Variants in RASSF3 observed in about 807,000 individuals in gnomAD.
RASSF3 encodes the protein ras association domain-containing protein 3.
RASSF3 carries 19 observed loss-of-function variants against 19.9 expected under a neutral mutation model. The observed-to-expected ratio is 0.96, with a 90% CI of 0.67 to 1.40. RASSF3 has a LOEUF of 1.40. Among genes scored for constraint, RASSF3 ranks in the 40% most tolerant of loss-of-function variants. RASSF3 has a pLI of 0.00. For synonymous variants in RASSF3, 110 were observed against 104.2 expected, an observed-to-expected ratio of 1.06 and a Z score of -0.34; for missense variants, 306 against 289.8, an observed-to-expected ratio of 1.06 and a Z score of -0.41.
chr12:64,562,842 G>C, intron 2 of RASSF3, among the ~76,000 whole-genome samples: 1 of 152,032 alleles, frequency 6.6e-6, no homozygotes, highest in Admixed American at 6.6e-5. Flanking sequence ...TCCCCATGCT[G>C]GTCTTGAACT....
intron 1 of RASSF3, among the ~76,000 whole-genome samples, chr12:64,640,248 C>G (rs1041256762): frequency 6.6e-6 from 1 of 152,142 alleles, no homozygotes; most frequent in African/African-American, 2.4e-5. Flanking sequence ...AGTGATACCA[C>G]CACACTCAAG....
intron 2 of RASSF3, among the ~76,000 whole-genome samples, chr12:64,576,499 G>A (rs572861834): frequency 6.6e-6 from 1 of 152,162 alleles, no homozygotes; most frequent in African/African-American, 2.4e-5. Flanking sequence ...TATTAAACAG[G>A]ACACAAAAAC....
intron 1 of RASSF3, among the ~76,000 whole-genome samples, chr12:64,676,467 C>CTTT (rs34917109): frequency 2.2e-3 from 153 of 69,754 alleles, no homozygotes; most frequent in Non-Finnish European, 2.8e-3. Context: ...CTGTGCCCAG[C>CTTT]TTTTTTTTTT....
At chr12:64,664,253 A>G (rs946333635) in intron 1 of RASSF3, among the ~76,000 whole-genome samples, 2 of 152,318 alleles carry the variant, frequency 1.3e-5, no homozygotes, top group Admixed American at 1.3e-4. Flanking sequence ...CCATCTCAGT[A>G]CCAAAATTTC....
At chr12:64,566,602 C>T (rs540779183) in intron 2 of RASSF3, among the ~76,000 whole-genome samples, 12 of 152,122 alleles carry the variant, frequency 7.9e-5, no homozygotes, top group South Asian at 2.1e-4. Flanking sequence ...AGGATAGAGA[C>T]GGTAATGAAT....
At chr12:64,625,275 T>G (rs1313525331) in intron 1 of RASSF3, among the ~76,000 whole-genome samples, 1 of 152,104 alleles carries the variant, frequency 6.6e-6, no homozygotes, top group Non-Finnish European at 1.5e-5. Context: ...CCTTTGTTTT[T>G]GGAATGGAGC....
intron 2 of RASSF3, among the ~76,000 whole-genome samples, chr12:64,583,872 A>T (rs1429573927): frequency 6.6e-6 from 1 of 152,214 alleles, no homozygotes. Flanking sequence ...TGTGACAAAT[A>T]TGTTCGGTTT....
intron 2 of RASSF3, among the ~76,000 whole-genome samples, chr12:64,577,940 C>T (rs1869623159): frequency 6.6e-6 from 1 of 151,894 alleles, no homozygotes; most frequent in South Asian, 2.1e-4. Context: ...CTAAAATTGC[C>T]AGGTGTGATG....
intron 2 of RASSF3, among the ~76,000 whole-genome samples, chr12:64,561,615 C>T (rs1486519237): frequency 5.3e-5 from 8 of 152,008 alleles, no homozygotes; most frequent in Non-Finnish European, 1.5e-5. Context: ...CTGTATAATG[C>T]ACTTCCATAA....
chr12:64,596,829 A>T (rs1162094948), intron 2 of RASSF3, among the ~76,000 whole-genome samples: 3 of 152,158 alleles, frequency 2.0e-5, no homozygotes, highest in Non-Finnish European at 4.4e-5. Context: ...TCCCAGGCTC[A>T]AGTGATTCTC....
chr12:64,540,739 G>T (rs1868920527), intron 1 of RASSF3, among the ~76,000 whole-genome samples: 1 of 152,186 alleles, frequency 6.6e-6, no homozygotes, highest in Non-Finnish European at 1.5e-5. Flanking sequence ...AGGATCGCTT[G>T]AGCCTAGGAG....
intron 1 of RASSF3, among the ~76,000 whole-genome samples, chr12:64,624,825 A>AT (rs780645923): frequency 2.8e-3 from 385 of 139,264 alleles, no homozygotes; most frequent in South Asian, 4.2e-3. Context: ...CCCCCGGGTA[A>AT]TTTTTTTTTT....
chr12:64,575,474 C>T (rs1338748743), intron 2 of RASSF3, among the ~76,000 whole-genome samples: 3 of 152,180 alleles, frequency 2.0e-5, no homozygotes, highest in Middle Eastern at 3.4e-3. Flanking sequence ...GATCACTTAA[C>T]GCCAGGAGTT....
intron 2 of RASSF3, among the ~76,000 whole-genome samples, chr12:64,554,137 C>A (rs1869213168): frequency 6.6e-6 from 1 of 152,174 alleles, no homozygotes; most frequent in African/African-American, 2.4e-5. Context: ...TCTTTTCAGA[C>A]CTATGACTAT....
chr12:64,658,184 G>A (rs547770613), intron 1 of RASSF3, among the ~76,000 whole-genome samples: 8 of 152,298 alleles, frequency 5.3e-5, no homozygotes, highest in East Asian at 1.9e-4. Flanking sequence ...AAATCAACAC[G>A]TGGGTGAGAC....
intron 1 of RASSF3, among the ~76,000 whole-genome samples, chr12:64,624,722 C>T (rs956752642): frequency 2.6e-5 from 4 of 152,092 alleles, no homozygotes; most frequent in East Asian, 1.9e-4. Flanking sequence ...TGCAGTGGCG[C>T]GATCTAGGCT....
intron 1 of RASSF3, among the ~76,000 whole-genome samples, chr12:64,668,225 G>T (rs1319397790): frequency 6.6e-6 from 1 of 151,530 alleles, no homozygotes; most frequent in African/African-American, 2.4e-5. Flanking sequence ...CCAGCCTGGG[G>T]CACTTTCCTC....
intron 1 of RASSF3, chr12:64,611,701 T>G (rs1291184516): frequency 2.0e-5 from 3 of 152,242 alleles, no homozygotes; most frequent in African/African-American, 4.8e-5. Context: ...CGCCAAACAT[T>G]TCTATTAATA....
intron 2 of RASSF3, among the ~76,000 whole-genome samples, chr12:64,579,646 C>T (rs935207596): frequency 6.6e-6 from 1 of 151,744 alleles, no homozygotes; most frequent in Admixed American, 6.6e-5. Context: ...CCACCGCGCC[C>T]GGCCAGCAAT....
Sources: gnomAD v4.1 joint callset for allele counts (sites outside exome capture counted in the v4.1 genomes callset) on GRCh38, gnomAD v4.1.1 for gene constraint, MANE v1.5 for transcripts, NCBI Gene and HGNC (gene_info 2026-07-23, HGNC 2026-07-21) for gene names.